The following HTR1D variants were observed in gnomAD, a reference collection of about 807,000 sequenced individuals.
HTR1D encodes 5-hydroxytryptamine receptor 1D, also known as 5-HT-1D.
In HTR1D, 18 loss-of-function variants were observed where a neutral mutation model predicts 21.1. The ratio of observed to expected loss-of-function variants is 0.85; its 90% CI spans 0.59 to 1.27. The LOEUF is 1.27. Ranked by LOEUF, HTR1D falls within the 50% of genes most tolerant of loss-of-function variation. The pLI, the probability that HTR1D is intolerant of heterozygous loss-of-function variation, is 0.00. For missense variants in HTR1D, 456 were observed against 481.4 expected (o/e 0.95, Z 0.49); for synonymous variants, 196 against 204.4 (o/e 0.96, Z 0.35).
intron 1 of HTR1D, among the ~76,000 whole-genome samples, chr1:23,216,956 G>C (rs1307885616): frequency 6.6e-6 from 1 of 152,064 alleles, no homozygotes; most frequent in South Asian, 2.1e-4. Context: ...GGCCCCTCGG[G>C]GGGCGTCGCG....
chr1:23,210,718 C>T (rs1644750299), intron 1 of HTR1D, among the ~76,000 whole-genome samples: 1 of 152,186 alleles, frequency 6.6e-6, no homozygotes. Flanking sequence ...CTGGCATTTT[C>T]AAGTCTCCCC....
intron 1 of HTR1D, among the ~76,000 whole-genome samples, chr1:23,196,972 A>C (rs981704653): frequency 6.6e-6 from 1 of 152,036 alleles, no homozygotes; most frequent in Non-Finnish European, 1.5e-5. Flanking sequence ...ATTTTGGTTC[A>C]TATGGAAAAT....
At chr1:23,210,076 C>T (rs1644748245) in intron 1 of HTR1D, among the ~76,000 whole-genome samples, 1 of 151,964 alleles carries the variant, frequency 6.6e-6, no homozygotes, top group Non-Finnish European at 1.5e-5. Flanking sequence ...TGTGGGTCTG[C>T]AGGGTTTTGT....
In HTR1D at chr1:23,200,163, G is replaced by A. The variant is rs530235650; in HGVS notation, c.-782-5162C>T. On this transcript the variant is annotated intron_variant, in intron 1 of 1. Coordinates refer to ENST00000374619, the MANE Select transcript of HTR1D (RefSeq NM_000864.5). ...CCACTGACCAGCTGGGTAACCATGG[G>A]CAAAGCACAGTCTCTTTGACCCTTA... 2.8e-4 allele frequency among the ~76,000 whole-genome samples: 43 copies of A among 152,276 alleles called. No homozygotes were observed. The South Asian group carries it at 8.9e-3, about 32-fold the overall frequency.
At chr1:23,213,657 C>T (rs1644762774) in intron 1 of HTR1D, among the ~76,000 whole-genome samples, 1 of 152,156 alleles carries the variant, frequency 6.6e-6, no homozygotes, top group Admixed American at 6.6e-5. Flanking sequence ...GTTCCATCTG[C>T]CTAGAAGAGC....
At chr1:23,197,850 A>T (rs528469092) in intron 1 of HTR1D, among the ~76,000 whole-genome samples, 1 of 152,226 alleles carries the variant, frequency 6.6e-6, no homozygotes, top group South Asian at 2.1e-4. Flanking sequence ...CAGCCTGGGC[A>T]ACATAGCAAG....
At chr1:23,216,813 G>T (rs1569771671) in intron 1 of HTR1D, among the ~76,000 whole-genome samples, 1 of 152,292 alleles carries the variant, frequency 6.6e-6, no homozygotes, top group Non-Finnish European at 1.5e-5. Context: ...GAGCCGGTCA[G>T]CCCCAGCCCG....
intron 1 of HTR1D, among the ~76,000 whole-genome samples, chr1:23,199,121 C>T (rs563024364): frequency 4.0e-5 from 6 of 151,774 alleles, no homozygotes; most frequent in African/African-American, 1.5e-4. Context: ...GCCACCATGC[C>T]GGGCCTTTTT....
At chr1:23,203,000 C>T (rs1644715746) in intron 1 of HTR1D, among the ~76,000 whole-genome samples, 3 of 151,974 alleles carry the variant, frequency 2.0e-5, no homozygotes, top group Non-Finnish European at 2.9e-5. Flanking sequence ...ATGCTACCTC[C>T]GCCTCCCAGG....
chr1:23,212,449 C>T lies in HTR1D; in HGVS notation c.-783+4842G>A, dbSNP rs570597873. ...ACCAAGTTTAACTCTCCCCTCTTTA[C>T]TGAAACTTGTCCTCCTCCTTCTGCC... is the stretch of plus-strand genomic sequence containing the variant. On this transcript the variant is annotated intron_variant, in intron 1 of 1. Transcript: ENST00000374619. Among the ~76,000 whole-genome samples, 3 of 152,316 alleles carry T rather than the reference C, an allele frequency of 2.0e-5. No individual in the cohort carries two copies. In the South Asian group the frequency reaches 6.2e-4, roughly 32 times the overall value.
chr1:23,208,687 G>A (rs1169320366), intron 1 of HTR1D, among the ~76,000 whole-genome samples: 1 of 152,096 alleles, frequency 6.6e-6, no homozygotes, highest in Non-Finnish European at 1.5e-5. Context: ...CTGGGGGTGG[G>A]GGAAATGAAT....
intron 1 of HTR1D, among the ~76,000 whole-genome samples, chr1:23,206,339 C>G (rs989353283): frequency 4.6e-5 from 7 of 152,132 alleles, no homozygotes; most frequent in African/African-American, 1.4e-4. Context: ...CCAGAATCTT[C>G]CTTTCAACTA....
At position 23,194,160 on chromosome 1, in the gene HTR1D, C is replaced by A; in HGVS notation, c.60G>T (p.Leu20=). 6.2e-7 allele frequency: 1 copy of A among 1,614,102 alleles called. No individual in the cohort carries two copies. The highest frequency in any genetic ancestry group is 2.2e-5 in the East Asian group (1 of 44,868). Reference sequence around the variant, plus strand: ...AAGCCTCTGAGGTTTCTGTGGCATTCAGGGATCTGTTGGAGGCCTCCTGGG... The same window carrying A: ...AAGCCTCTGAGGTTTCTGTGGCATTAAGGGATCTGTTGGAGGCCTCCTGGG... ...GLPQEASNRS[L]NATETSEAWD... is the part of the protein sequence containing the mutation. Residue 20 remains leucine (L), a synonymous_variant, in exon 2 of 2, where the codon CTG becomes CTT. Transcript: ENST00000374619.
chr1:23,193,570 T>C lies in HTR1D; in HGVS notation c.650A>G (p.Tyr217Cys), dbSNP rs756952666. The change falls in exon 2 of 2, where the codon TAT becomes TGT. Residue 217 changes from tyrosine to cysteine, a missense_variant. By Grantham distance (194) the Tyr-to-Cys change is radical. Transcript: ENST00000374619. ...YIPSVLLIIL[Y>C]GRIYRAARNR... ...CCGGGCAGCCCGGTAGATCCGGCCA[T>C]ATAGGATGATGAGCAACACCGAGGG... is the stretch of plus-strand genomic sequence containing the variant. The C allele has an allele frequency of 1.8e-5, 29 of 1,613,844 alleles. No individual in the cohort carries two copies. The highest frequency in any genetic ancestry group is 2.1e-5 in the Non-Finnish European group (25 of 1,179,926).
intron 1 of HTR1D, among the ~76,000 whole-genome samples, chr1:23,202,591 A>C (rs1447927672): frequency 6.6e-6 from 1 of 152,180 alleles, no homozygotes; most frequent in African/African-American, 2.4e-5. Context: ...ATCTTTTTGG[A>C]AGAAAAAAAT....
rs1429746120 is a variant in HTR1D at position 23,194,130 on chromosome 1, A to G, written c.90T>C (p.Asp30=). 1 of 1,614,100 alleles carries G rather than the reference A, an allele frequency of 6.2e-7. No individual in the cohort carries two copies. Among genetic ancestry groups the G allele is most frequent in the Non-Finnish European group, 8.5e-7 (1 of 1,179,998 alleles). ...LNATETSEAW[D]PRTLQALKIS... ...TCTTGAGCGCCTGGAGGGTCCTGGG[A>G]TCCCAAGCCTCTGAGGTTTCTGTGG... The change falls in exon 2 of 2, where the codon GAT becomes GAC. Residue 30 remains aspartate (D), a synonymous_variant. Coordinates refer to ENST00000374619, the MANE Select transcript of HTR1D (RefSeq NM_000864.5).
At chr1:23,211,753 C>T (rs1644754465) in intron 1 of HTR1D, among the ~76,000 whole-genome samples, 1 of 152,072 alleles carries the variant, frequency 6.6e-6, no homozygotes, top group Admixed American at 6.6e-5. Flanking sequence ...CCTCAACCTC[C>T]TGAGCTCAAG....
Position 23,203,380 on chromosome 1 carries a change from C to T in HTR1D, c.-782-8379G>A, listed in dbSNP as rs140424438. On this transcript the variant is annotated intron_variant, in intron 1 of 1. Coordinates refer to ENST00000374619, the MANE Select transcript of HTR1D (RefSeq NM_000864.5). ...CTAATCATAAAATCTGGAAAATGAG[C>T]AGGGCATGGTGGCTCACGCCTGTAA... Among the ~76,000 whole-genome samples the T allele has an allele frequency of 5.8e-3, 884 of 152,256 alleles. 8 individuals are homozygous for T. The highest frequency in any genetic ancestry group is 0.019 in the African/African-American group (806 of 41,550).
intron 1 of HTR1D, among the ~76,000 whole-genome samples, chr1:23,204,613 G>A (rs928773707): frequency 3.3e-5 from 5 of 151,918 alleles, no homozygotes; most frequent in Non-Finnish European, 2.9e-5. Context: ...TATTTTTTTT[G>A]TCCCTTGATT....
Sources: gnomAD v4.1 joint callset for allele counts (sites outside exome capture counted in the v4.1 genomes callset) on GRCh38, gnomAD v4.1.1 for gene constraint, MANE v1.5 for transcripts, NCBI Gene and HGNC (gene_info 2026-07-23, HGNC 2026-07-21) for gene names.